NBPF11: variants seen among roughly 807,000 people sequenced by gnomAD.
NBPF11 encodes NBPF member 11.
In NBPF11, 72 loss-of-function variants were observed where a neutral mutation model predicts 93.9. The ratio of observed to expected loss-of-function variants is 0.77; its 90% CI spans 0.63 to 0.93. The LOEUF is 0.93. NBPF11 is among the 40% of genes least tolerant of loss of function. The probability of loss-of-function intolerance (pLI) is 0.00; values close to 1 mark genes in which losing one functional copy is unlikely to be tolerated. For synonymous variants in NBPF11, 224 were observed against 304.9 expected (o/e 0.73, Z 2.76); for missense variants, 705 against 802.2 (o/e 0.88, Z 1.46).
intron 15 of NBPF11, among the ~76,000 whole-genome samples, chr1:148,113,155 G>A (rs2149201287): frequency 6.6e-6 from 1 of 152,120 alleles, no homozygotes; most frequent in Non-Finnish European, 1.5e-5. Flanking sequence ...AAATGCCCCA[G>A]TTAAAAAACA....
chr1:148,149,810 C>G (rs1647833099), intron 1 of NBPF11, among the ~76,000 whole-genome samples: 1 of 150,112 alleles, frequency 6.7e-6, no homozygotes, highest in Non-Finnish European at 1.5e-5. Context: ...AAAGATTTAA[C>G]AGGCACTTCA....
rs1225400108 is a variant in NBPF11, at chr1:148,149,439, G to A, written c.-549+2311C>T. The A allele has an allele frequency of 2.4e-3, 3,744 of 1,583,494 alleles. 130 individuals are homozygous for A. The African/African-American group carries it at 0.046, about 20-fold the overall frequency. ...TCGCACGGGCTGGCGCTCTACGAGC[G>A]CTGCCCCAAGGCGGTGGAGCCGCTG... On this transcript the variant is annotated intron_variant, in intron 1 of 23. Coordinates refer to ENST00000682118, the MANE Select transcript of NBPF11 (RefSeq NM_001385469.3).
intron 2 of NBPF11, among the ~76,000 whole-genome samples, chr1:148,143,173 A>G (rs1231067655): frequency 1.3e-5 from 2 of 152,026 alleles, no homozygotes; most frequent in Admixed American, 6.5e-5. Context: ...AAAAGTCCTG[A>G]AGAGAACATG....
intron 2 of NBPF11, among the ~76,000 whole-genome samples, chr1:148,142,558 A>C (rs1201817573): frequency 6.6e-6 from 1 of 151,924 alleles, no homozygotes; most frequent in Admixed American, 6.5e-5. Flanking sequence ...TTCTCACTGG[A>C]CTTCCCTCCT....
chr1:148,120,766 G>T, intron 9 of NBPF11, 56 bp from the exon 10 acceptor site: 1 of 1,232,326 alleles, frequency 8.1e-7, no homozygotes, highest in Admixed American at 1.7e-5. Context: ...AATCAAATAG[G>T]CTTAATCAGG....
At chr1:148,146,940 G>A (rs1164520488) in intron 1 of NBPF11, 14 of 1,590,392 alleles carry the variant, frequency 8.8e-6, no homozygotes, top group South Asian at 1.1e-5. Flanking sequence ...GACCCTGGGG[G>A]CAGCTCAGCC....
chr1:148,128,955 C>T (rs1236230211), intron 4 of NBPF11, among the ~76,000 whole-genome samples: 2 of 147,224 alleles, frequency 1.4e-5, no homozygotes, highest in African/African-American at 5.1e-5. Context: ...ACAATGAGAA[C>T]ACTTGGACAC....
chr1:148,146,053 TAAA>T (rs1395736153), intron 1 of NBPF11, among the ~76,000 whole-genome samples: 1 of 151,982 alleles, frequency 6.6e-6, no homozygotes, highest in Non-Finnish European at 1.5e-5. Flanking sequence ...GAAAACTGGA[TAAA>T]AAGATTTAGG....
At position 148,134,699 on chromosome 1, in the gene NBPF11, CT is replaced by C. The variant is rs1186776136; in HGVS notation, c.-36+972del. 1.6e-4 allele frequency among the ~76,000 whole-genome samples: 24 copies of C among 151,798 alleles called. 1 individual carries two copies. The highest frequency in any genetic ancestry group is 6.8e-3 in the Middle Eastern group (2 of 294). On this transcript the variant is annotated intron_variant, in intron 4 of 23. Coordinates refer to ENST00000682118, the MANE Select transcript of NBPF11 (RefSeq NM_001385469.3). ...TATAAAGGGCCAGTTTATTTCATGC[CT>C]TTCTAATTTGACATAAAGTGCTACA...
chr1:148,105,949 A>G (rs1275774994), intron 21 of NBPF11, among the ~76,000 whole-genome samples: 4 of 144,764 alleles, frequency 2.8e-5, no homozygotes, highest in Non-Finnish European at 6.0e-5. Flanking sequence ...AGTCACCATG[A>G]GAATACAGTT....
intron 3 of NBPF11, among the ~76,000 whole-genome samples, chr1:148,136,537 A>G (rs1339414019): frequency 1.3e-5 from 2 of 151,360 alleles, no homozygotes; most frequent in Admixed American, 6.6e-5. Flanking sequence ...ATAAATAATA[A>G]TGGTTTCAAG....
At position 148,120,508 on chromosome 1, in the gene NBPF11, G is replaced by T; in HGVS notation, c.981C>A (p.Asn327Lys). Residue 327 changes from asparagine (N) to lysine (K), a missense_variant, in exon 10 of 24, where the codon AAC (asparagine) becomes AAA (lysine). Around this residue, in one of 12 missense-constraint regions of NBPF11, gnomAD observed 262 missense variants for 223.1 expected, o/e 1.17. Transcript: ENST00000682118. ...TGAGCATATAGATCTTACTGTATTT[G>T]TTCTGCTGCTTGGCCAGGAAGCAGG... ...QVACFLAKQQ[N>K]KYKYEECKDL... 1.1e-6 allele frequency: 1 copy of T among 912,036 alleles called. No homozygotes were observed. Among genetic ancestry groups the T allele is most frequent in the Non-Finnish European group, 1.9e-6 (1 of 539,430 alleles). 56.5% of individuals were successfully genotyped at this position (912,036 alleles called of 1,614,324 possible).
In NBPF11 at chr1:148,103,881, G is replaced by A. The variant is rs1662872499; in HGVS notation, c.*15C>T. 1.2e-6 allele frequency: 2 copies of A among 1,611,126 alleles called. No homozygotes were observed. The highest frequency in any genetic ancestry group is 2.2e-5 in the East Asian group (1 of 44,882). ...TCCAGTGAGTCCTGTAAGACTTCAG[G>A]CACTTCCACTTCCATCAGCACGCTG... On this transcript the variant is annotated 3_prime_UTR_variant, in exon 24 of 24. Transcript: ENST00000682118.
chr1:148,126,115 C>G (rs1202761130), intron 5 of NBPF11, among the ~76,000 whole-genome samples: 1 of 151,948 alleles, frequency 6.6e-6, no homozygotes. Context: ...ATTCTCCTGC[C>G]TCAGCCTCCC....
chr1:148,151,429 C>T (rs1648292932), intron 1 of NBPF11, among the ~76,000 whole-genome samples: 1 of 152,052 alleles, frequency 6.6e-6, no homozygotes, highest in South Asian at 2.1e-4. Context: ...GGTGCGAAGT[C>T]AGTGTGCTCC....
chr1:148,111,407 C>T lies in NBPF11; in HGVS notation c.1638-866G>A, dbSNP rs1287434085. Among the ~76,000 whole-genome samples the T allele has an allele frequency of 2.8e-4, 43 of 151,960 alleles. 3 individuals carry two copies. In the South Asian group the frequency reaches 2.9e-3, roughly 10 times the overall value. On this transcript the variant is annotated intron_variant, in intron 15 of 23. Transcript: ENST00000682118. ...AAAGCAGGATAGAGAATGACTTTGACGAGCTGACAGAAGTAGGCTTCAGAA... is the reference window on the plus strand; with the variant it reads ...AAAGCAGGATAGAGAATGACTTTGATGAGCTGACAGAAGTAGGCTTCAGAA...
In NBPF11 at chr1:148,132,393, A is replaced by T. The variant is rs1309044004; in HGVS notation, c.-36+3279T>A. 4.4e-3 allele frequency among the ~76,000 whole-genome samples: 653 copies of T among 148,794 alleles called. 11 individuals are homozygous for T. The Middle Eastern group carries it at 0.045, about 10-fold the overall frequency. ...AACAAAACACATAATCTTGATTTTC[A>T]TAGCTGTAGAGTAATTCTGGAAATA... On this transcript the variant is annotated intron_variant, in intron 4 of 23. Coordinates refer to ENST00000682118, the MANE Select transcript of NBPF11 (RefSeq NM_001385469.3).
chr1:148,145,033 G>A (rs1467918516), intron 1 of NBPF11, among the ~76,000 whole-genome samples: 15 of 148,818 alleles, frequency 1.0e-4, no homozygotes, highest in Non-Finnish European at 1.9e-4. Context: ...GAGCCAGGAG[G>A]TGGAGGTGGC....
At chr1:148,120,223 C>T (rs1667507303) in intron 10 of NBPF11, among the ~76,000 whole-genome samples, 1 of 152,026 alleles carries the variant, frequency 6.6e-6, no homozygotes, top group African/African-American at 2.4e-5. Flanking sequence ...CACGATTGAG[C>T]CTCTTGGAGA....
Sources: allele counts gnomAD v4.1 joint callset (sites outside exome capture counted in the v4.1 genomes callset), GRCh38; gene constraint gnomAD v4.1.1; regional missense constraint gnomAD v4.1.1; transcripts MANE v1.5; gene names NCBI Gene and HGNC (gene_info 2026-07-23, HGNC 2026-07-21).